Variants in NECAB1 observed in about 807,000 individuals in gnomAD.
The protein encoded by NECAB1 is N-terminal EF-hand calcium-binding protein 1.
A neutral mutation model predicts 57.5 loss-of-function variants in NECAB1; 29 were observed. The ratio of observed to expected loss-of-function variants is 0.50; its 90% CI spans 0.38 to 0.69. NECAB1 has a LOEUF of 0.69. Ranked by LOEUF, NECAB1 falls within the 30% of genes least tolerant of loss-of-function variation. The pLI is 0.00. For synonymous variants in NECAB1, 142 were observed against 147.7 expected (o/e 0.96, Z 0.28); for missense variants, 372 against 413.8 (o/e 0.90, Z 0.88).
At chr8:90,866,500 G>A (rs532440850) in intron 3 of NECAB1, among the ~76,000 whole-genome samples, 22 of 152,284 alleles carry the variant, frequency 1.4e-4, no homozygotes, top group Middle Eastern at 3.4e-3. Context: ...GATGGGTGAA[G>A]AAGAGAAAAC....
Position 90,850,960 on chromosome 8 carries a change from G to C in NECAB1, c.234-21168G>C, listed in dbSNP as rs540039123. ...GCCAGAGGAACCAACCAAGTGATTAGAGGATCGGAACTTTCAGCCCAAACT... is the reference window on the plus strand; with the variant it reads ...GCCAGAGGAACCAACCAAGTGATTACAGGATCGGAACTTTCAGCCCAAACT... On this transcript the variant is annotated intron_variant, in intron 3 of 12. Coordinates refer to ENST00000417640, the MANE Select transcript of NECAB1 (RefSeq NM_022351.5). Among the ~76,000 whole-genome samples the C allele has an allele frequency of 2.0e-5, 3 of 152,284 alleles. No individual in the cohort carries two copies. The South Asian group carries it at 6.2e-4, about 32-fold the overall frequency.
chr8:90,870,553 T>C (rs2129842186), intron 3 of NECAB1, among the ~76,000 whole-genome samples: 1 of 152,374 alleles, frequency 6.6e-6, no homozygotes, highest in South Asian at 2.1e-4. Flanking sequence ...TTCCTTTGGC[T>C]GCCTCCTCTA....
At chr8:90,928,131 CT>C in intron 7 of NECAB1, 91 bp from the exon 8 acceptor site, 6 of 959,208 alleles carry the variant, frequency 6.3e-6, no homozygotes, top group Non-Finnish European at 9.7e-6. Flanking sequence ...TGCATCTTTC[CT>C]TCAGGGTTGA....
intron 12 of NECAB1, among the ~76,000 whole-genome samples, chr8:90,953,100 TC>T (rs1247310861): frequency 6.6e-6 from 1 of 152,134 alleles, no homozygotes; most frequent in African/African-American, 2.4e-5. Context: ...TTTCCATCTC[TC>T]CCAAACCAAT....
In NECAB1 at chr8:90,909,424, T is replaced by C. The variant is rs564587987; in HGVS notation, c.358-8068T>C. Among the ~76,000 whole-genome samples the C allele has an allele frequency of 4.9e-4, 75 of 152,066 alleles. No homozygotes were observed. In the East Asian group the frequency reaches 7.1e-3, roughly 14 times the overall value. On this transcript the variant is annotated intron_variant, in intron 5 of 12. Transcript: ENST00000417640. ...ATCTGGTCTAGATCACCAGTATTTA[T>C]GTTGAAGTCTCCCTGGTTGTTTTGG...
intron 1 of NECAB1, among the ~76,000 whole-genome samples, chr8:90,798,927 C>T (rs1811714838): frequency 6.6e-6 from 1 of 152,148 alleles, no homozygotes; most frequent in South Asian, 2.1e-4. Flanking sequence ...TGTATATAGG[C>T]ATTCCCTTTT....
intron 3 of NECAB1, among the ~76,000 whole-genome samples, chr8:90,868,459 GC>G: frequency 6.6e-6 from 1 of 152,264 alleles, no homozygotes; most frequent in Middle Eastern, 3.4e-3. Context: ...AGTGATATGG[GC>G]AGTGAAGTCC....
intron 6 of NECAB1, among the ~76,000 whole-genome samples, chr8:90,921,988 G>A (rs946408488): frequency 6.6e-6 from 1 of 152,358 alleles, no homozygotes; most frequent in East Asian, 1.9e-4. Context: ...CAGCTGGAAT[G>A]CCACAGAGGT....
intron 3 of NECAB1, among the ~76,000 whole-genome samples, chr8:90,860,080 C>T (rs748934506): frequency 2.6e-5 from 4 of 151,954 alleles, no homozygotes; most frequent in Admixed American, 6.6e-5. Flanking sequence ...ATTTCACTAC[C>T]GGCCACCCAC....
chr8:90,934,261 T>C lies in NECAB1; in HGVS notation c.694-43T>C. The stretch of plus-strand genomic sequence containing the variant: ...GAATATATGGCATTGTTTTAAATGA[T>C]ATAATTTTTTTTCTTTTCTGCCATT... On this transcript the variant is annotated intron_variant, in intron 8 of 12. Transcript: ENST00000417640. 3 of 1,358,808 alleles carry C rather than the reference T, an allele frequency of 2.2e-6. No individual in the cohort carries two copies. The South Asian group carries it at 4.2e-5, about 19-fold the overall frequency. The allele number at this position is 1,358,808 out of a possible 1,614,324, so 84.2% of individuals were successfully genotyped here.
chr8:90,872,018 C>A, intron 3 of NECAB1, 110 bp from the exon 4 acceptor site: 1 of 786,684 alleles, frequency 1.3e-6, no homozygotes, highest in Non-Finnish European at 2.1e-6. Flanking sequence ...TAACTACATA[C>A]CATCAATTAA....
intron 3 of NECAB1, among the ~76,000 whole-genome samples, chr8:90,843,907 A>G (rs1391390879): frequency 6.6e-6 from 1 of 152,206 alleles, no homozygotes; most frequent in Non-Finnish European, 1.5e-5. Context: ...GGGACTTCCC[A>G]AAATTATGAC....
Position 90,860,243 on chromosome 8 carries a change from T to C in NECAB1, c.234-11885T>C, listed in dbSNP as rs568801555. Among the ~76,000 whole-genome samples the C allele has an allele frequency of 9.0e-3, 1,356 of 151,056 alleles. 20 individuals carry two copies. The highest frequency in any genetic ancestry group is 0.031 in the African/African-American group (1,268 of 41,090). ...TTTTTCTGTTTCTTTTTTTTCTTTTTTTTTTTTTTTTAACGTTCTAGGTGA... is the reference window on the plus strand; with the variant it reads ...TTTTTCTGTTTCTTTTTTTTCTTTTCTTTTTTTTTTTAACGTTCTAGGTGA... On this transcript the variant is annotated intron_variant, in intron 3 of 12. Coordinates refer to ENST00000417640, the MANE Select transcript of NECAB1 (RefSeq NM_022351.5).
chr8:90,933,882 C>T (rs1436315772), intron 8 of NECAB1, among the ~76,000 whole-genome samples: 2 of 152,008 alleles, frequency 1.3e-5, no homozygotes, highest in Non-Finnish European at 2.9e-5. Flanking sequence ...TAACAATAGA[C>T]TAATGTTTAT....
intron 5 of NECAB1, among the ~76,000 whole-genome samples, chr8:90,881,594 C>T (rs190878304): frequency 6.6e-6 from 1 of 152,288 alleles, no homozygotes; most frequent in East Asian, 1.9e-4. Context: ...CCTCTCCTTC[C>T]TCCTCTGGCC....
chr8:90,828,308 A>G (rs934822289), intron 3 of NECAB1, among the ~76,000 whole-genome samples: 1 of 152,032 alleles, frequency 6.6e-6, no homozygotes, highest in African/African-American at 2.4e-5. Flanking sequence ...GGTTGGAGAT[A>G]TTTCAGGTCT....
At chr8:90,941,614 A>T (rs1810672375) in intron 10 of NECAB1, among the ~76,000 whole-genome samples, 1 of 152,220 alleles carries the variant, frequency 6.6e-6, no homozygotes, top group Non-Finnish European at 1.5e-5. Context: ...ATCAAAGGCT[A>T]GACATTTGTC....
intron 10 of NECAB1, among the ~76,000 whole-genome samples, chr8:90,941,255 G>A (rs1810663837): frequency 6.6e-6 from 1 of 152,212 alleles, no homozygotes; most frequent in Admixed American, 6.5e-5. Flanking sequence ...TCTGGTAGAT[G>A]AGGCGCCAAC....
chr8:90,940,039 A>G (rs1810630525), intron 9 of NECAB1, among the ~76,000 whole-genome samples: 1 of 152,236 alleles, frequency 6.6e-6, no homozygotes, highest in African/African-American at 2.4e-5. Context: ...ACTAATGTTG[A>G]TATCTAAAAT....
Sources: gnomAD v4.1 joint callset for allele counts (sites outside exome capture counted in the v4.1 genomes callset) on GRCh38, gnomAD v4.1.1 for gene constraint, MANE v1.5 for transcripts, NCBI Gene and HGNC (gene_info 2026-07-23, HGNC 2026-07-21) for gene names.